NKAIN2: variants seen among roughly 807,000 people sequenced by gnomAD.
The protein encoded by NKAIN2 is sodium/potassium transporting ATPase interacting 2.
Under a neutral mutation model 32.6 loss-of-function variants are expected in NKAIN2, and 14 were observed. The ratio of observed to expected loss-of-function variants is 0.43; its 90% CI spans 0.28 to 0.67. The LOEUF is 0.67. Ranked by LOEUF, NKAIN2 falls within the 30% of genes least tolerant of loss-of-function variation. The pLI, the probability that NKAIN2 is intolerant of heterozygous loss-of-function variation, is 0.17. For missense variants in NKAIN2, 198 were observed against 258.3 expected (o/e 0.77, Z 1.60); for synonymous variants, 80 against 87.2 (o/e 0.92, Z 0.46).
intron 1 of NKAIN2, among the ~76,000 whole-genome samples, chr6:124,128,108 C>T (rs529747084): frequency 1.3e-4 from 20 of 152,136 alleles, no homozygotes; most frequent in Non-Finnish European, 2.5e-4. Context: ...GGATTACAGG[C>T]GTGAGCCACC....
chr6:123,871,692 G>A (rs1772894997), intron 1 of NKAIN2, among the ~76,000 whole-genome samples: 1 of 152,194 alleles, frequency 6.6e-6, no homozygotes, highest in South Asian at 2.1e-4. Flanking sequence ...TCGTATGGAA[G>A]TGATTTCTCC....
chr6:124,584,645 C>T (rs1781643886), intron 3 of NKAIN2, among the ~76,000 whole-genome samples: 2 of 136,458 alleles, frequency 1.5e-5, no homozygotes, highest in Non-Finnish European at 3.1e-5. Flanking sequence ...AAGAGCGAAA[C>T]TCCATCTCAG....
At chr6:123,954,601 TGG>T (rs1777479899) in intron 1 of NKAIN2, among the ~76,000 whole-genome samples, 1 of 152,214 alleles carries the variant, frequency 6.6e-6, no homozygotes, top group Admixed American at 6.5e-5. Flanking sequence ...TTTTTCTTTG[TGG>T]AAGGGATGAA....
chr6:124,288,264 C>A (rs1795652176), intron 2 of NKAIN2, among the ~76,000 whole-genome samples: 1 of 152,124 alleles, frequency 6.6e-6, no homozygotes, highest in Non-Finnish European at 1.5e-5. Flanking sequence ...TCCTGACAAC[C>A]AGTCTGTCCT....
chr6:124,179,284 C>A (rs1195958877), intron 1 of NKAIN2, among the ~76,000 whole-genome samples: 1 of 152,146 alleles, frequency 6.6e-6, no homozygotes, highest in African/African-American at 2.4e-5. Flanking sequence ...TCAATACAGG[C>A]TTTGCAGACC....
chr6:124,219,569 C>T (rs968469534), intron 1 of NKAIN2, among the ~76,000 whole-genome samples: 10 of 152,010 alleles, frequency 6.6e-5, no homozygotes, highest in Non-Finnish European at 1.3e-4. Flanking sequence ...TGAGCCACCA[C>T]GCCCGGCCAA....
intron 2 of NKAIN2, among the ~76,000 whole-genome samples, chr6:124,337,570 T>C (rs991842058): frequency 6.6e-6 from 1 of 152,178 alleles, no homozygotes; most frequent in African/African-American, 2.4e-5. Flanking sequence ...TAGAATTCTG[T>C]AAGAGAAATG....
At chr6:123,949,438 G>T (rs1047903973) in intron 1 of NKAIN2, among the ~76,000 whole-genome samples, 1 of 151,974 alleles carries the variant, frequency 6.6e-6, no homozygotes, top group Admixed American at 6.6e-5. Context: ...CGTGAGCATA[G>T]TATGGCTTTC....
At chr6:124,718,144 A>G (rs1463918826) in intron 4 of NKAIN2, among the ~76,000 whole-genome samples, 1 of 152,150 alleles carries the variant, frequency 6.6e-6, no homozygotes, top group Non-Finnish European at 1.5e-5. Flanking sequence ...TTTTTAGTAT[A>G]ATCACAATTG....
At chr6:123,872,669 G>A (rs1291869919) in intron 1 of NKAIN2, among the ~76,000 whole-genome samples, 1 of 152,210 alleles carries the variant, frequency 6.6e-6, no homozygotes, top group African/African-American at 2.4e-5. Context: ...ACACAAAGAT[G>A]AGTTGATAAT....
At chr6:123,868,706 A>G (rs1230816004) in intron 1 of NKAIN2, among the ~76,000 whole-genome samples, 2 of 152,222 alleles carry the variant, frequency 1.3e-5, no homozygotes, top group African/African-American at 4.8e-5. Flanking sequence ...AGAAAAGTTG[A>G]TTACAAACTA....
At chr6:124,188,648 T>A (rs1005478785) in intron 1 of NKAIN2, among the ~76,000 whole-genome samples, 6 of 152,182 alleles carry the variant, frequency 3.9e-5, no homozygotes, top group Admixed American at 3.9e-4. Context: ...GAAAATTGTT[T>A]CCTAAATAGC....
chr6:124,483,012 C>T lies in NKAIN2; in HGVS notation c.273+127665C>T, dbSNP rs539608126. ...TGGTGGGCGCCTGTAGTCCCAGCTACTCGGGAGGCTGAGGCAGGAGAATGG... is the reference window on the plus strand; with the variant it reads ...TGGTGGGCGCCTGTAGTCCCAGCTATTCGGGAGGCTGAGGCAGGAGAATGG... On this transcript the variant is annotated intron_variant, in intron 3 of 6. Transcript: ENST00000368417. Among the ~76,000 whole-genome samples the T allele has an allele frequency of 8.7e-4, 132 of 152,050 alleles. 1 individual carries two copies. Among genetic ancestry groups the T allele is most frequent in the African/African-American group, 3.0e-3 (124 of 41,490 alleles).
chr6:124,129,945 A>G (rs149361486), intron 1 of NKAIN2, among the ~76,000 whole-genome samples: 2 of 152,296 alleles, frequency 1.3e-5, no homozygotes, highest in East Asian at 3.9e-4. Context: ...AAACTTTTTT[A>G]TAATGTACTT....
At chr6:123,857,043 G>C (rs1048500036) in intron 1 of NKAIN2, among the ~76,000 whole-genome samples, 13 of 152,024 alleles carry the variant, frequency 8.6e-5, no homozygotes, top group African/African-American at 3.1e-4. Flanking sequence ...CATAGTTGAA[G>C]TATAATACTC....
chr6:124,754,719 A>G (rs1562364892), intron 4 of NKAIN2, among the ~76,000 whole-genome samples: 1 of 152,138 alleles, frequency 6.6e-6, no homozygotes, highest in Non-Finnish European at 1.5e-5. Context: ...TGTGGAAGAC[A>G]GTGTGGCGAT....
chr6:124,470,335 A>G (rs947266047), intron 3 of NKAIN2, among the ~76,000 whole-genome samples: 3 of 152,120 alleles, frequency 2.0e-5, no homozygotes, highest in African/African-American at 7.2e-5. Context: ...AAATAATTCA[A>G]GCAGGGTGGT....
At chr6:123,815,567 A>C (rs111921118) in intron 1 of NKAIN2, among the ~76,000 whole-genome samples, 5,731 of 152,154 alleles carry the variant, frequency 0.038, 371 homozygotes, top group African/African-American at 0.13. Context: ...AATCTGAAAA[A>C]AGCTACTAAC....
At chr6:124,708,434 GTATGGCCAT>G in intron 4 of NKAIN2, among the ~76,000 whole-genome samples, 1 of 152,096 alleles carries the variant, frequency 6.6e-6, no homozygotes, top group Middle Eastern at 3.4e-3. Flanking sequence ...ACCTTGGGCA[GTATGGCCAT>G]TTTCAGGATA....
Sources: allele counts gnomAD v4.1 joint callset (sites outside exome capture counted in the v4.1 genomes callset), GRCh38; gene constraint gnomAD v4.1.1; transcripts MANE v1.5; gene names NCBI Gene and HGNC (gene_info 2026-07-23, HGNC 2026-07-21).